The following NCALD variants were observed in gnomAD, a reference collection of about 807,000 sequenced individuals.
The protein encoded by NCALD is neurocalcin delta.
Under a neutral mutation model 18.6 loss-of-function variants are expected in NCALD, and 10 were observed. The ratio of observed to expected loss-of-function variants is 0.54; its 90% CI spans 0.33 to 0.91. The LOEUF is 0.91. Among genes scored for constraint, NCALD ranks in the 40% least tolerant of loss-of-function variants. The probability of loss-of-function intolerance (pLI) is 0.03; values close to 1 mark genes in which losing one functional copy is unlikely to be tolerated. For missense variants in NCALD, 184 were observed against 247.6 expected, an observed-to-expected ratio of 0.74 and a Z score of 1.72; for synonymous variants, 88 against 87.4, an observed-to-expected ratio of 1.01 and a Z score of -0.04.
chr8:102,092,449 C>T (rs1313940663), intron 1 of NCALD, among the ~76,000 whole-genome samples: 1 of 152,166 alleles, frequency 6.6e-6, no homozygotes, highest in Non-Finnish European at 1.5e-5. Flanking sequence ...TCTAAGAACC[C>T]TCTCTTGGGG....
intron 4 of NCALD, among the ~76,000 whole-genome samples, chr8:101,884,288 T>C (rs535709873): frequency 4.1e-4 from 63 of 152,322 alleles, no homozygotes; most frequent in African/African-American, 1.4e-3. Context: ...TTTTCTATCA[T>C]AGTACTTAAC....
chr8:102,033,225 T>C (rs912812775), intron 1 of NCALD, among the ~76,000 whole-genome samples: 1 of 152,164 alleles, frequency 6.6e-6, no homozygotes, highest in Non-Finnish European at 1.5e-5. Context: ...AGTCCTGCCA[T>C]ATACTCCATC....
intron 2 of NCALD, among the ~76,000 whole-genome samples, chr8:101,953,550 T>C (rs1378962205): frequency 6.6e-6 from 1 of 152,140 alleles, no homozygotes; most frequent in Non-Finnish European, 1.5e-5. Context: ...AGGGCCAGGG[T>C]TTAAAATGAA....
At chr8:101,803,180 A>C (rs1586542739) in intron 4 of NCALD, among the ~76,000 whole-genome samples, 1 of 152,208 alleles carries the variant, frequency 6.6e-6, no homozygotes, top group Admixed American at 6.5e-5. Flanking sequence ...GTCAGTGCTC[A>C]TTTACCATTC....
chr8:101,955,182 G>A (rs1261339508), intron 2 of NCALD, among the ~76,000 whole-genome samples: 5 of 152,166 alleles, frequency 3.3e-5, no homozygotes, highest in Non-Finnish European at 7.3e-5. Flanking sequence ...ATGCCTCACA[G>A]TCTTAATTAA....
chr8:101,795,222 T>C (rs1812594544), upstream of NCALD, among the ~76,000 whole-genome samples: 1 of 152,184 alleles, frequency 6.6e-6, no homozygotes, highest in Non-Finnish European at 1.5e-5. Flanking sequence ...TAGATATATA[T>C]TTTTAATGGC....
chr8:101,714,847 A>G (rs2130375411), intron 2 of NCALD, among the ~76,000 whole-genome samples: 1 of 150,864 alleles, frequency 6.6e-6, no homozygotes, highest in South Asian at 2.1e-4. Flanking sequence ...ATACAAAAAA[A>G]TTAGCCGGGC....
At chr8:101,806,517 A>G (rs1813108171) in intron 4 of NCALD, among the ~76,000 whole-genome samples, 1 of 152,212 alleles carries the variant, frequency 6.6e-6, no homozygotes, top group Non-Finnish European at 1.5e-5. Context: ...GATAGAAATT[A>G]TATTAAAAAA....
intron 1 of NCALD, among the ~76,000 whole-genome samples, chr8:102,121,430 A>G (rs78218419): frequency 0.017 from 2,637 of 152,210 alleles, 69 homozygotes; most frequent in African/African-American, 0.06. Flanking sequence ...CCCTCTGAAC[A>G]TACTGAATAG....
intron 1 of NCALD, among the ~76,000 whole-genome samples, chr8:102,040,950 A>G (rs1013690473): frequency 7.0e-5 from 10 of 142,064 alleles, no homozygotes; most frequent in Non-Finnish European, 1.5e-4. Context: ...TATACCCTGT[A>G]AAAGTTTAAG....
At chr8:102,014,398 G>T (rs899454664) in intron 2 of NCALD, among the ~76,000 whole-genome samples, 4 of 152,058 alleles carry the variant, frequency 2.6e-5, no homozygotes, top group South Asian at 2.1e-4. Context: ...ACCTCCCAAA[G>T]GCTCTCCCTC....
intron 4 of NCALD, among the ~76,000 whole-genome samples, chr8:101,829,943 C>A (rs1432223537): frequency 1.4e-5 from 2 of 145,278 alleles, no homozygotes; most frequent in Non-Finnish European, 3.0e-5. Flanking sequence ...TTTTTAATAG[C>A]ATCAGGAAGA....
intron 1 of NCALD, among the ~76,000 whole-genome samples, chr8:101,726,748 GGTAGTCATCAGTATATAGATAGA>G (rs1816590511): frequency 6.6e-6 from 1 of 152,078 alleles, no homozygotes; most frequent in African/African-American, 2.4e-5. Flanking sequence ...ATATAAATTT[GGTAGTCATCAGTATATAGATAGA>G]GTTTACAGCC....
At chr8:102,006,029 T>C (rs1219180466) in intron 2 of NCALD, among the ~76,000 whole-genome samples, 1 of 144,872 alleles carries the variant, frequency 6.9e-6, no homozygotes. Context: ...TAAAGTATAA[T>C]AATAAAAAAA....
intron 1 of NCALD, among the ~76,000 whole-genome samples, chr8:102,101,215 C>T (rs1563617788): frequency 1.3e-5 from 2 of 152,228 alleles, no homozygotes; most frequent in Admixed American, 6.5e-5. Flanking sequence ...ACACGCATCA[C>T]TCAGCTCTCC....
chr8:102,024,561 C>T (rs1317501225), intron 1 of NCALD, among the ~76,000 whole-genome samples: 1 of 152,124 alleles, frequency 6.6e-6, no homozygotes, highest in Non-Finnish European at 1.5e-5. Flanking sequence ...TATCCGTTTC[C>T]ACTCATCACA....
intron 2 of NCALD, among the ~76,000 whole-genome samples, chr8:101,936,414 G>GAAGGGAGA (rs542374270): frequency 3.5e-4 from 54 of 152,296 alleles, no homozygotes; most frequent in African/African-American, 1.2e-3. Context: ...ATGGGGAAAT[G>GAAGGGAGA]AAGGGAGAAA....
intron 2 of NCALD, among the ~76,000 whole-genome samples, chr8:101,987,602 T>C (rs150621846): frequency 1.8e-4 from 27 of 152,200 alleles, no homozygotes; most frequent in African/African-American, 6.3e-4. Flanking sequence ...ACTTGAGAAA[T>C]TGTTAAAAGC....
At position 101,993,704 on chromosome 8, in the gene NCALD, T is replaced by C. The variant is rs1463462140; in HGVS notation, c.-157+26533A>G. The stretch of plus-strand genomic sequence containing the variant: ...CTCTCCTGCTACTGACTCTCCATTG[T>C]GTTTGGGACATACTGCACTTTCACA... On this transcript the variant is annotated intron_variant, in intron 2 of 6. Transcript: ENST00000311028. Among the ~76,000 whole-genome samples, 4 of 152,240 alleles carry C rather than the reference T, an allele frequency of 2.6e-5. No homozygotes were observed. The East Asian group carries it at 7.7e-4, about 29-fold the overall frequency.
Sources: gnomAD v4.1 joint callset for allele counts (sites outside exome capture counted in the v4.1 genomes callset) on GRCh38, gnomAD v4.1.1 for gene constraint, MANE v1.5 for transcripts, NCBI Gene and HGNC (gene_info 2026-07-23, HGNC 2026-07-21) for gene names.